CATSPERD: variants seen among roughly 807,000 people sequenced by gnomAD.
CATSPERD encodes the protein cation channel sperm-associated auxiliary subunit delta.
In CATSPERD, 86 loss-of-function variants were observed where a neutral mutation model predicts 98.1. That is an observed-to-expected ratio of 0.88 (90% confidence interval 0.74 to 1.05). The LOEUF (loss-of-function observed/expected upper bound fraction) is 1.05. Ranked by LOEUF, CATSPERD falls within the 50% of genes least tolerant of loss-of-function variation. CATSPERD has a pLI of 0.00. For missense variants in CATSPERD, 995 were observed against 1,005.7 expected, an observed-to-expected ratio of 0.99 and a Z score of 0.14; for synonymous variants, 394 against 390.2, an observed-to-expected ratio of 1.01 and a Z score of -0.12.
At chr19:5,738,500 C>T (rs896030007) in intron 6 of CATSPERD, among the ~76,000 whole-genome samples, 4 of 152,070 alleles carry the variant, frequency 2.6e-5, no homozygotes, top group Non-Finnish European at 5.9e-5. Flanking sequence ...CCACTGCACT[C>T]GGCTGGGGCA....
intron 4 of CATSPERD, among the ~76,000 whole-genome samples, chr19:5,732,526 G>A (rs534260782): frequency 6.6e-6 from 1 of 151,578 alleles, no homozygotes; most frequent in East Asian, 1.9e-4. Context: ...TCCACCTCCC[G>A]AGTTCACACC....
At chr19:5,766,243 G>C in intron 17 of CATSPERD, 88 bp downstream of exon 17, 1 of 1,030,768 alleles carries the variant, frequency 9.7e-7, no homozygotes, top group South Asian at 1.7e-5. Flanking sequence ...TTCAGGTCAG[G>C]AGTTCAAGAC....
At chr19:5,745,851 G>C in intron 8 of CATSPERD, 62 bp from the exon 9 acceptor site, 3 of 1,567,802 alleles carry the variant, frequency 1.9e-6, no homozygotes, top group Non-Finnish European at 2.6e-6. Context: ...TCCCTCATTA[G>C]GACTCAGTGG....
intron 15 of CATSPERD, among the ~76,000 whole-genome samples, chr19:5,759,848 G>A (rs1011481116): frequency 4.6e-5 from 7 of 151,832 alleles, no homozygotes; most frequent in African/African-American, 1.7e-4. Flanking sequence ...GGTCAAGGCG[G>A]GCAGATCACC....
chr19:5,745,558 T>G (rs1041956392), intron 8 of CATSPERD, among the ~76,000 whole-genome samples: 1 of 151,878 alleles, frequency 6.6e-6, no homozygotes, highest in Non-Finnish European at 1.5e-5. Context: ...GAGATGGAGG[T>G]GGCAGTGAGC....
rs377063447 is a variant in CATSPERD, at chr19:5,724,766, A to G, written c.72-42A>G. On this transcript the variant is annotated intron_variant, in intron 1 of 21. Coordinates refer to ENST00000381624, the MANE Select transcript of CATSPERD (RefSeq NM_152784.4). ...CTGAGTAGGAGGATTCATGCTGAATATTCAATAAAAATTGACAGATGGTCT... is the reference window on the plus strand; with the variant it reads ...CTGAGTAGGAGGATTCATGCTGAATGTTCAATAAAAATTGACAGATGGTCT... 13 of 1,594,118 alleles carry G rather than the reference A, an allele frequency of 8.2e-6. No homozygotes were observed. In the African/African-American group the frequency reaches 1.5e-4, roughly 18 times the overall value.
At position 5,731,217 on chromosome 19, in the gene CATSPERD, C is replaced by A. The variant is rs149452241; in HGVS notation, c.276+1273C>A. Among the ~76,000 whole-genome samples, 470 of 152,160 alleles carry A rather than the reference C, an allele frequency of 3.1e-3. 2 individuals carry two copies. The highest frequency in any genetic ancestry group is 0.011 in the African/African-American group (453 of 41,502). On this transcript the variant is annotated intron_variant, in intron 4 of 21. Transcript: ENST00000381624. ...GTTTTGGGCTGGACATGGTGGTTCA[C>A]GCCTGTAACCCCAGCACTTTAAGAG...
chr19:5,739,264 CGTTCA>C (rs2055908790), intron 6 of CATSPERD, 57 bp from the exon 7 acceptor site: 1 of 915,798 alleles, frequency 1.1e-6, no homozygotes, highest in Non-Finnish European at 1.7e-6. Context: ...CTGGGATAAA[CGTTCA>C]GGAACGTACT....
At chr19:5,755,629 C>T (rs1208411344) in intron 13 of CATSPERD, among the ~76,000 whole-genome samples, 3 of 151,822 alleles carry the variant, frequency 2.0e-5, no homozygotes, top group African/African-American at 7.3e-5. Context: ...AATTATTAGC[C>T]GGGTGTGGTG....
intron 2 of CATSPERD, among the ~76,000 whole-genome samples, chr19:5,725,298 T>C (rs2055583147): frequency 6.6e-6 from 1 of 152,108 alleles, no homozygotes; most frequent in African/African-American, 2.4e-5. Flanking sequence ...ATTATAGGTG[T>C]GTGCCACCAT....
intron 16 of CATSPERD, among the ~76,000 whole-genome samples, chr19:5,764,613 G>A (rs2056505316): frequency 6.6e-6 from 1 of 150,990 alleles, no homozygotes; most frequent in Non-Finnish European, 1.5e-5. Flanking sequence ...CACTGCGCCC[G>A]GCCATTTATT....
At chr19:5,778,250 G>C (rs1354327885) in intron 21 of CATSPERD, 126 bp from the exon 22 acceptor site, 25 of 751,016 alleles carry the variant, frequency 3.3e-5, no homozygotes, top group Non-Finnish European at 3.9e-5. Flanking sequence ...AACAGAAGTG[G>C]GTATACCCGG....
At chr19:5,750,283 C>A (rs1449647628) in intron 11 of CATSPERD, among the ~76,000 whole-genome samples, 1 of 147,572 alleles carries the variant, frequency 6.8e-6, no homozygotes, top group East Asian at 2.0e-4. Flanking sequence ...CCCGTCTCTA[C>A]TAAAAAAAAT....
chr19:5,760,653 C>T (rs2056417229), intron 15 of CATSPERD, among the ~76,000 whole-genome samples: 1 of 151,896 alleles, frequency 6.6e-6, no homozygotes, highest in Non-Finnish European at 1.5e-5. Context: ...TGAGAAACTT[C>T]TGGAGATGGA....
At chr19:5,732,708 C>T (rs768327602) in intron 4 of CATSPERD, among the ~76,000 whole-genome samples, 1 of 152,086 alleles carries the variant, frequency 6.6e-6, no homozygotes, top group Non-Finnish European at 1.5e-5. Context: ...GAGACCGAGT[C>T]TCTGTCACCC....
rs779403765 is a variant in CATSPERD, at chr19:5,757,832, C to T, written c.1279-11C>T. ...CTCCGTACAGCCTGAGCTTCTCTCC[C>T]CCACTCCCAGGTGATGGTGAGCAAC... On this transcript the variant is annotated splice_polypyrimidine_tract_variant and intron_variant, in intron 13 of 21. Transcript: ENST00000381624. 5.6e-6 allele frequency: 9 copies of T among 1,610,216 alleles called. No homozygotes were observed. Among genetic ancestry groups the T allele is most frequent in the African/African-American group, 1.3e-5 (1 of 74,792 alleles).
At chr19:5,742,403 CAAGAG>C (rs1314665082) in intron 7 of CATSPERD, among the ~76,000 whole-genome samples, 2 of 152,104 alleles carry the variant, frequency 1.3e-5, no homozygotes, top group Admixed American at 1.3e-4. Context: ...ACGGACATTT[CAAGAG>C]GAGAGGTTAC....
chr19:5,749,607 A>G (rs1412897440), intron 11 of CATSPERD, among the ~76,000 whole-genome samples: 1 of 152,166 alleles, frequency 6.6e-6, no homozygotes, highest in Admixed American at 6.6e-5. Flanking sequence ...AAAATACTAT[A>G]GGTGCTGGTC....
chr19:5,745,805 T>C, intron 8 of CATSPERD, 108 bp from the exon 9 acceptor site: 1 of 1,094,286 alleles, frequency 9.1e-7, no homozygotes, highest in Non-Finnish European at 1.3e-6. Context: ...CTTTGCTTTC[T>C]TTGCTTTCCC....
Sources: allele counts gnomAD v4.1 joint callset (sites outside exome capture counted in the v4.1 genomes callset), GRCh38; gene constraint gnomAD v4.1.1; transcripts MANE v1.5; gene names NCBI Gene and HGNC (gene_info 2026-07-23, HGNC 2026-07-21).